The following SEMA4F variants were observed in gnomAD, a reference collection of about 807,000 sequenced individuals.
SEMA4F encodes the protein semaphorin-4F.
SEMA4F carries 51 observed loss-of-function variants against 78.4 expected under a neutral mutation model. That is an observed-to-expected ratio of 0.65 (90% confidence interval 0.52 to 0.82). The LOEUF is 0.82. SEMA4F is among the 40% of genes least tolerant of loss of function. SEMA4F has a pLI of 0.00. For synonymous variants in SEMA4F, 418 were observed against 408.7 expected, an observed-to-expected ratio of 1.02 and a Z score of -0.27; for missense variants, 938 against 1,014.4, an observed-to-expected ratio of 0.92 and a Z score of 1.02.
At chr2:74,654,709 G>T (rs1487074860) in intron 1 of SEMA4F, among the ~76,000 whole-genome samples, 188 bp downstream of exon 1, 2 of 151,872 alleles carry the variant, frequency 1.3e-5, no homozygotes, top group East Asian at 3.9e-4. Context: ...CATCCCTCCC[G>T]CGCCCCTCAG....
intron 1 of SEMA4F, 22 bp from the exon 2 acceptor site, chr2:74,656,512 C>T (rs1220542665): frequency 6.2e-7 from 1 of 1,606,370 alleles, no homozygotes; most frequent in Non-Finnish European, 8.5e-7. Flanking sequence ...TGGCTAACAT[C>T]ACTCTCCTCT....
chr2:74,674,397 C>G (rs1685150454), intron 7 of SEMA4F, 101 bp from the exon 8 acceptor site: 2 of 1,037,310 alleles, frequency 1.9e-6, no homozygotes, highest in South Asian at 3.2e-5. Context: ...CCCCATCTGT[C>G]TGTCTGCCCT....
At chr2:74,664,748 T>G (rs1237262385) in intron 5 of SEMA4F, among the ~76,000 whole-genome samples, 1 of 152,244 alleles carries the variant, frequency 6.6e-6, no homozygotes, top group African/African-American at 2.4e-5. Context: ...GTTTTAGTAC[T>G]TATTTTTATT....
the SEMA4F span, among the ~76,000 whole-genome samples, chr2:74,703,909 TGTG>T: frequency 6.6e-6 from 1 of 152,208 alleles, no homozygotes; most frequent in Non-Finnish European, 1.5e-5. Flanking sequence ...AAGCCCCACT[TGTG>T]GTCTGTGTTA....
At chr2:74,706,508 G>C in the SEMA4F span, among the ~76,000 whole-genome samples, 2 of 152,114 alleles carry the variant, frequency 1.3e-5, no homozygotes, top group African/African-American at 4.8e-5. Flanking sequence ...GATCTGATGT[G>C]AACTTGATGT....
At chr2:74,669,260 C>T (rs1573245721) in intron 5 of SEMA4F, among the ~76,000 whole-genome samples, 1 of 151,864 alleles carries the variant, frequency 6.6e-6, no homozygotes, top group Non-Finnish European at 1.5e-5. Context: ...CACGCCACTT[C>T]ACTCCAGCCT....
chr2:74,708,243 C>A, the SEMA4F span, among the ~76,000 whole-genome samples: 27 of 152,070 alleles, frequency 1.8e-4, no homozygotes, highest in Non-Finnish European at 3.4e-4. Context: ...ATATTTAACA[C>A]CCAGCAAAGT....
chr2:74,656,633 G>C lies in SEMA4F; in HGVS notation c.245G>C (p.Arg82Pro), dbSNP rs769125779. 24 of 1,613,988 alleles carry C rather than the reference G, an allele frequency of 1.5e-5. No homozygotes were observed. ...TCCCACACACTTTATGTTGGCGCCC[G>C]GGACACCATCTTCGCTTTATCCCTG... Reference protein sequence around the residue: ...PASHTLYVGARDTIFALSLPF... With the variant: ...PASHTLYVGAPDTIFALSLPF... The change falls in exon 2 of 14, where the codon CGG becomes CCG. Residue 82 changes from arginine to proline, a missense_variant. Physicochemically the swap from Arg to Pro is moderately radical, Grantham distance 103 (BLOSUM62 -2). Coordinates refer to ENST00000357877, the MANE Select transcript of SEMA4F (RefSeq NM_004263.5).
the SEMA4F span, among the ~76,000 whole-genome samples, chr2:74,690,805 G>C: frequency 6.6e-6 from 1 of 152,148 alleles, no homozygotes; most frequent in Admixed American, 6.5e-5. Context: ...TGCTAATGCT[G>C]GTGGAAGTCC....
Position 74,675,186 on chromosome 2 carries a change from C to G in SEMA4F, c.1174C>G (p.Arg392Gly). The G allele has an allele frequency of 1.2e-6, 2 of 1,614,138 alleles. No individual in the cohort carries two copies. The highest frequency in any genetic ancestry group is 1.6e-4 in the Middle Eastern group (1 of 6,062). Reference protein sequence around the residue: ...GECITNNMKLRHFGSSLSLPD... With the variant: ...GECITNNMKLGHFGSSLSLPD... ...GTGCATCACCAACAACATGAAGCTC[C>G]GGCACTTTGGCTCATCTCTCTCCCT... Residue 392 changes from arginine (R) to glycine (G), a missense_variant, in exon 10 of 14, where the codon CGG becomes GGG. Physicochemically the swap from Arg to Gly is moderately radical, Grantham distance 125. Transcript: ENST00000357877.
the SEMA4F span, among the ~76,000 whole-genome samples, chr2:74,700,928 T>C: frequency 1.3e-5 from 2 of 152,202 alleles, no homozygotes; most frequent in Admixed American, 6.5e-5. Flanking sequence ...AGTTATTCAT[T>C]TGATGCTGTG....
Position 74,658,006 on chromosome 2 carries a change from T to C in SEMA4F, c.456+55T>C. The C allele has an allele frequency of 6.6e-7, 1 of 1,518,064 alleles. No homozygotes were observed. The highest frequency in any genetic ancestry group is 9.1e-7 in the Non-Finnish European group (1 of 1,093,752). 94.0% of individuals were successfully genotyped at this position (1,518,064 alleles called of 1,614,324 possible). A position where few individuals can be genotyped will look rare whatever the true frequency, so the allele number is the denominator to read the frequency against. On this transcript the variant is annotated intron_variant, in intron 4 of 13. Transcript: ENST00000357877. This position sits in a 1 kb window ranked among gnomAD's most constrained non-coding sequence, Gnocchi z 4.3. ...GGGTGCCTGCACCAGTGTGAGTTAC[T>C]TGGGGTGGTGGTGGGAGGATGGGAA...
downstream of SEMA4F, among the ~76,000 whole-genome samples, chr2:74,688,068 G>T (rs363647): frequency 0.35 from 52,648 of 152,014 alleles, 14,927 homozygotes; most frequent in East Asian, 0.82. Context: ...AAGACTGGTG[G>T]TGTTAGCCAC....
At chr2:74,706,543 G>A in the SEMA4F span, among the ~76,000 whole-genome samples, 2 of 152,102 alleles carry the variant, frequency 1.3e-5, no homozygotes, top group African/African-American at 4.8e-5. Flanking sequence ...CAGCAATTGA[G>A]GCTAGAGCTT....
chr2:74,672,017 T>C (rs1685014931), intron 5 of SEMA4F, among the ~76,000 whole-genome samples: 1 of 152,228 alleles, frequency 6.6e-6, no homozygotes, highest in Non-Finnish European at 1.5e-5. Context: ...GAATAGCCTT[T>C]TAAGTAGCAT....
At chr2:74,674,818 C>A in intron 8 of SEMA4F, 70 bp from the exon 9 acceptor site, 1 of 1,573,648 alleles carries the variant, frequency 6.4e-7, no homozygotes, top group South Asian at 1.2e-5. Flanking sequence ...GGGGTCATCT[C>A]ATTTGACAAG....
chr2:74,705,703 A>C, the SEMA4F span, among the ~76,000 whole-genome samples: 39 of 152,156 alleles, frequency 2.6e-4, no homozygotes, highest in African/African-American at 8.7e-4. Flanking sequence ...AGCTAGGACT[A>C]CAGATGTGTG....
chr2:74,657,506 C>T, intron 2 of SEMA4F, 59 bp from the exon 3 acceptor site: 1 of 1,520,614 alleles, frequency 6.6e-7, no homozygotes, highest in Non-Finnish European at 9.1e-7. Context: ...TCTCCTCTAA[C>T]ATCGAGGGAG....
At chr2:74,701,390 A>G in the SEMA4F span, among the ~76,000 whole-genome samples, 2 of 152,162 alleles carry the variant, frequency 1.3e-5, no homozygotes, top group Admixed American at 6.6e-5. Flanking sequence ...CCAGTCCTGA[A>G]TCAGCCCTAC....
Sources: allele counts gnomAD v4.1 joint callset (sites outside exome capture counted in the v4.1 genomes callset), GRCh38; gene constraint gnomAD v4.1.1; non-coding constraint Gnocchi (gnomAD v3.1); transcripts MANE v1.5; gene names NCBI Gene and HGNC (gene_info 2026-07-23, HGNC 2026-07-21).